Variants in CAPN10 observed in about 807,000 individuals in gnomAD.
CAPN10 encodes calpain-10.
In CAPN10, 71 loss-of-function variants were observed where a neutral mutation model predicts 78.4. The observed-to-expected ratio is 0.91, with a 90% confidence interval of 0.75 to 1.10. The LOEUF (loss-of-function observed/expected upper bound fraction) is 1.10, where lower values mean the gene tolerates loss of function less well. CAPN10 is among the 50% of genes least tolerant of loss of function. The pLI, the probability that CAPN10 is intolerant of heterozygous loss-of-function variation, is 0.00. For missense variants in CAPN10, 849 were observed against 924.6 expected, an observed-to-expected ratio of 0.92 and a Z score of 1.06; for synonymous variants, 437 against 407.2, an observed-to-expected ratio of 1.07 and a Z score of -0.88.
chr2:240,598,775 G>A lies in CAPN10; in HGVS notation c.*95G>A. ...CGGCCAGCCTTGCACTGTGGGGGCTGGTCCTGAGTCTTGGCCTGCCTCCCA... is the reference window on the plus strand; with the variant it reads ...CGGCCAGCCTTGCACTGTGGGGGCTAGTCCTGAGTCTTGGCCTGCCTCCCA... On this transcript the variant is annotated 3_prime_UTR_variant, in exon 12 of 12. Coordinates refer to ENST00000391984, the MANE Select transcript of CAPN10 (RefSeq NM_023083.4). The A allele has an allele frequency of 8.2e-7, 1 of 1,225,912 alleles. No homozygotes were observed. Among genetic ancestry groups the A allele is most frequent in the Non-Finnish European group, 1.2e-6 (1 of 852,458 alleles). The allele number at this position is 1,225,912 out of a possible 1,614,324, so 75.9% of individuals were successfully genotyped here. A position where few individuals can be genotyped will look rare whatever the true frequency, so the allele number is the denominator to read the frequency against.
chr2:240,596,924 C>G lies in CAPN10; in HGVS notation c.1725C>G (p.Ile575Met), dbSNP rs771697646. The G allele has an allele frequency of 1.9e-6, 3 of 1,613,574 alleles. No homozygotes were observed. The highest frequency in any genetic ancestry group is 2.5e-6 in the Non-Finnish European group (3 of 1,180,046). ...CRPSDTEFHPIGFHIFQVPEG... is the reference protein window; with the variant it reads ...CRPSDTEFHPMGFHIFQVPEG... ...CCAGTGACACCGAGTTCCACCCCATCGGCTTCCATATCTTCCAGGCAAGCT... is the reference window on the plus strand; with the variant it reads ...CCAGTGACACCGAGTTCCACCCCATGGGCTTCCATATCTTCCAGGCAAGCT... Residue 575 changes from isoleucine (I) to methionine (M), a missense_variant, in exon 9 of 12, where the codon ATC becomes ATG. Physicochemically the swap from Ile to Met is conservative, Grantham distance 10. Coordinates refer to ENST00000391984, the MANE Select transcript of CAPN10 (RefSeq NM_023083.4).
rs2093124376 is a variant in CAPN10, at chr2:240,594,639, CAG to C, written c.928_929del (p.Arg310GlyfsTer3). On this transcript the variant is annotated frameshift_variant, in exon 6 of 12. Coordinates refer to ENST00000391984, the MANE Select transcript of CAPN10 (RefSeq NM_023083.4). LOFTEE classifies it high-confidence loss of function. ...TCTGGGTGGAGGAGGAGGAGTTCCTCAGGGAGTTTGACGAGCTCACCGTTGGC... is the reference window on the plus strand; with the variant it reads ...TCTGGGTGGAGGAGGAGGAGTTCCTCGGAGTTTGACGAGCTCACCGTTGGC... ...EFWVEEEEFL[R>X]EFDELTVGYP... is the part of the protein sequence containing the mutation. 2 of 1,613,960 alleles carry C rather than the reference CAG, an allele frequency of 1.2e-6. No individual in the cohort carries two copies. The highest frequency in any genetic ancestry group is 4.5e-5 in the East Asian group (2 of 44,872).
Position 240,587,040 on chromosome 2 carries a change from G to T in CAPN10, c.129G>T (p.Trp43Cys). Residue 43 changes from tryptophan (W) to cysteine (C), a missense_variant, in exon 1 of 12, where the codon TGG becomes TGT. By Grantham distance (215) the Trp-to-Cys change is radical (BLOSUM62 -2). Coordinates refer to ENST00000391984, the MANE Select transcript of CAPN10 (RefSeq NM_023083.4). ...PLAQFREDIT[W>C]RRPQEICATP... ...CCCAGTTCCGCGAGGACATCACGTG[G>T]AGGCGGCCCCAGGTGGGGCCGTGTG... 6.9e-7 allele frequency: 1 copy of T among 1,445,194 alleles called. No individual in the cohort carries two copies. 89.5% of individuals were successfully genotyped at this position (1,445,194 alleles called of 1,614,324 possible). A position where few individuals can be genotyped will look rare whatever the true frequency, so the allele number is the denominator to read the frequency against.
chr2:240,597,672 C>T (rs1312654931), intron 9 of CAPN10, among the ~76,000 whole-genome samples: 2 of 152,168 alleles, frequency 1.3e-5, no homozygotes, highest in Non-Finnish European at 2.9e-5. Flanking sequence ...GATGATGTGA[C>T]AGGCCTCCAG....
Position 240,596,775 on chromosome 2 carries a change from G to T in CAPN10, c.1576G>T (p.Gly526Cys). 1 of 1,612,316 alleles carries T rather than the reference G, an allele frequency of 6.2e-7. No homozygotes were observed. Among genetic ancestry groups the T allele is most frequent in the Non-Finnish European group, 8.5e-7 (1 of 1,179,524 alleles). ...TVQLRGSWRV[G>C]QTAGGSRNFA... ...GCAGCTACGGGGTTCTTGGAGAGTCGGCCAGACGGCGGGGGGCAGCAGGAA... is the reference window on the plus strand; with the variant it reads ...GCAGCTACGGGGTTCTTGGAGAGTCTGCCAGACGGCGGGGGGCAGCAGGAA... The change falls in exon 9 of 12, where the codon GGC becomes TGC. Residue 526 changes from glycine (G) to cysteine (C), a missense_variant. By Grantham distance (159) the Gly-to-Cys change is radical. Coordinates refer to ENST00000391984, the MANE Select transcript of CAPN10 (RefSeq NM_023083.4).
chr2:240,588,158 C>T (rs2093079949), intron 1 of CAPN10, among the ~76,000 whole-genome samples: 1 of 152,130 alleles, frequency 6.6e-6, no homozygotes, highest in Non-Finnish European at 1.5e-5. Flanking sequence ...GGTCCTGGGA[C>T]AGAGCCTGGG....
rs2093134728 is a variant in CAPN10 at position 240,596,096 on chromosome 2, T to TG, written c.1279-222dup. ...TGTGGGCCCAGCTACAAGGAGGACT[T>TG]GCAGGCTCGTGTCTGGGACAGATAC... is the stretch of plus-strand genomic sequence containing the variant. On this transcript the variant is annotated intron_variant, in intron 7 of 11. Transcript: ENST00000391984. 16 of 1,536,598 alleles carry TG rather than the reference T, an allele frequency of 1.0e-5. No individual in the cohort carries two copies. The South Asian group carries it at 1.5e-4, about 14-fold the overall frequency.
intron 9 of CAPN10, 150 bp from the exon 10 acceptor site, chr2:240,597,738 G>A (rs929359491): frequency 1.2e-5 from 9 of 726,200 alleles, no homozygotes; most frequent in Admixed American, 5.9e-5. Context: ...TTGGTGAGGA[G>A]GCGAGTCCAG....
At chr2:240,592,606 C>T (rs568597963) in intron 4 of CAPN10, 8 of 422,710 alleles carry the variant, frequency 1.9e-5, no homozygotes, top group Admixed American at 8.7e-5. Flanking sequence ...CCCAGGAGTT[C>T]AAGAGACCCG....
At chr2:240,587,427 T>C (rs549385948) in intron 1 of CAPN10, among the ~76,000 whole-genome samples, 1 of 152,366 alleles carries the variant, frequency 6.6e-6, no homozygotes, top group East Asian at 1.9e-4. Flanking sequence ...CGTGCCCCTC[T>C]GAAGTGGCTA....
chr2:240,595,595 G>A (rs1012040867), intron 7 of CAPN10, among the ~76,000 whole-genome samples: 1 of 152,246 alleles, frequency 6.6e-6, no homozygotes, highest in African/African-American at 2.4e-5. Flanking sequence ...GGACCCGGGG[G>A]GCTCCTGGCA....
Position 240,595,384 on chromosome 2 carries a change from T to A in CAPN10, c.1278+80T>A, listed in dbSNP as rs1230235829. 4 of 1,466,678 alleles carry A rather than the reference T, an allele frequency of 2.7e-6. No homozygotes were observed. In the East Asian group the frequency reaches 9.6e-5, roughly 35 times the overall value. The allele number at this position is 1,466,678 out of a possible 1,614,324, so 90.9% of individuals were successfully genotyped here. On this transcript the variant is annotated intron_variant, in intron 7 of 11. Transcript: ENST00000391984. ...TGGAGGTCTGGGTTCTAGGACTGGC[T>A]CTGCCGGGACACATGTGACTCTGCC...
At chr2:240,593,283 G>A (rs2093114583) in intron 4 of CAPN10, among the ~76,000 whole-genome samples, 1 of 152,274 alleles carries the variant, frequency 6.6e-6, no homozygotes. Flanking sequence ...ATTGGAGCCT[G>A]CTGAGGTGGC....
At chr2:240,593,444 G>C (rs950963840) in intron 4 of CAPN10, among the ~76,000 whole-genome samples, 1 of 152,232 alleles carries the variant, frequency 6.6e-6, no homozygotes, top group African/African-American at 2.4e-5. Flanking sequence ...TGGAGCTGTT[G>C]CCCCCCTGGG....
Position 240,596,961 on chromosome 2 carries a change from G to A in CAPN10, c.1743+19G>A, listed in dbSNP as rs2093141142. The stretch of plus-strand genomic sequence containing the variant: ...CTTCCAGGCAAGCTCCTTGCCCCAG[G>A]GAGGGAGGGGGAGCAGAAGGGGCCC... On this transcript the variant is annotated intron_variant, in intron 9 of 11. Transcript: ENST00000391984. The A allele has an allele frequency of 6.2e-7, 1 of 1,613,172 alleles. No individual in the cohort carries two copies. The highest frequency in any genetic ancestry group is 2.2e-5 in the East Asian group (1 of 44,892).
At chr2:240,592,711 T>C (rs2093110192) in intron 4 of CAPN10, 2 of 347,530 alleles carry the variant, frequency 5.8e-6, no homozygotes, top group African/African-American at 2.2e-5. Flanking sequence ...CGCTCTCAGT[T>C]TTCCATGAGC....
In CAPN10 at chr2:240,586,958, A is replaced by T. The variant is rs1241275448; in HGVS notation, c.47A>T (p.Asp16Val). 6.8e-7 allele frequency: 1 copy of T among 1,478,984 alleles called. No individual in the cohort carries two copies. The highest frequency in any genetic ancestry group is 2.4e-5 in the Admixed American group (1 of 41,764). 91.6% of individuals were successfully genotyped at this position (1,478,984 alleles called of 1,614,324 possible). The change falls in exon 1 of 12, where the codon GAC (aspartate) becomes GTC (valine). Residue 16 changes from aspartate to valine, a missense_variant. Asp to Val is a radical substitution (Grantham distance 152). Coordinates refer to ENST00000391984, the MANE Select transcript of CAPN10 (RefSeq NM_023083.4). ...GATPARELFR[D>V]AAFPAADSSL... Reference sequence around the variant, plus strand: ...ACGCCGGCGAGGGAGCTGTTCCGGGACGCCGCCTTCCCCGCCGCGGACTCC... The same window carrying T: ...ACGCCGGCGAGGGAGCTGTTCCGGGTCGCCGCCTTCCCCGCCGCGGACTCC...
At position 240,594,164 on chromosome 2, in the gene CAPN10, C is replaced by T. The variant is rs1239615629; in HGVS notation, c.830+117C>T. The T allele has an allele frequency of 6.5e-6, 7 of 1,074,854 alleles. No individual in the cohort carries two copies. In the South Asian group the frequency reaches 1.1e-4, roughly 17 times the overall value. The allele number at this position is 1,074,854 out of a possible 1,614,324, so 66.6% of individuals were successfully genotyped here. On this transcript the variant is annotated intron_variant, in intron 5 of 11. Transcript: ENST00000391984. ...GTACTTGGCTGTCTCCAGCAAGGCC[C>T]CTGAGTCCCTGCTCTCGTGACACCA...
chr2:240,595,434 C>A, intron 7 of CAPN10, 130 bp downstream of exon 7: 1 of 1,016,608 alleles, frequency 9.8e-7, no homozygotes, highest in Non-Finnish European at 1.4e-6. Flanking sequence ...TCTCCCCCCT[C>A]CTTGGGCTGT....
Sources: allele counts gnomAD v4.1 joint callset (sites outside exome capture counted in the v4.1 genomes callset), GRCh38; gene constraint gnomAD v4.1.1; transcripts MANE v1.5; gene names NCBI Gene and HGNC (gene_info 2026-07-23, HGNC 2026-07-21).